Variants in ANGPTL7 observed in about 807,000 individuals in gnomAD.
The protein encoded by ANGPTL7 is angiopoietin like 7, also known as angiopoietin-related protein 7.
A neutral mutation model predicts 38.8 loss-of-function variants in ANGPTL7; 37 were observed. The ratio of observed to expected loss-of-function variants is 0.95; its 90% CI spans 0.73 to 1.25. The LOEUF is 1.25. Among genes scored for constraint, ANGPTL7 ranks in the 50% most tolerant of loss-of-function variants. ANGPTL7 has a pLI of 0.00. For missense variants in ANGPTL7, 427 were observed against 438.6 expected (o/e 0.97, Z 0.24); for synonymous variants, 166 against 163.2 (o/e 1.02, Z -0.13).
chr1:11,189,715 TG>T lies in ANGPTL7; in HGVS notation c.137del (p.Cys46LeufsTer4). The T allele has an allele frequency of 6.2e-7, 1 of 1,614,084 alleles. No individual in the cohort carries two copies. Among genetic ancestry groups the T allele is most frequent in the African/African-American group, 1.3e-5 (1 of 75,006 alleles). ...AQPQLKAANC[C>X]EEVKELKAQV... Reference sequence around the variant, plus strand: ...GCCACAGCTCAAAGCGGCCAACTGCTGTGAGGAGGTGAAGGAGCTCAAGGCC... The same window carrying T: ...GCCACAGCTCAAAGCGGCCAACTGCTTGAGGAGGTGAAGGAGCTCAAGGCC... On this transcript the variant is annotated frameshift_variant, in exon 1 of 5. Transcript: ENST00000376819. LOFTEE classifies it high-confidence loss of function.
In ANGPTL7 at chr1:11,192,345, A is replaced by C. The variant is rs140445130; in HGVS notation, c.452A>C (p.Asp151Ala). The stretch of plus-strand genomic sequence containing the variant: ...GGAGTGTATAAGCTTCCTCCTGATG[A>C]CTTCCTGGGCAGCCCTGAACTGGAG... ...ISGVYKLPPD[D>A]FLGSPELEVF... The change falls in exon 2 of 5, where the codon GAC (aspartate) becomes GCC (alanine). Residue 151 changes from aspartate (D) to alanine (A), a missense_variant. Asp to Ala is a moderately radical substitution (Grantham distance 126). Coordinates refer to ENST00000376819, the MANE Select transcript of ANGPTL7 (RefSeq NM_021146.4). 3.7e-6 allele frequency: 6 copies of C among 1,613,824 alleles called. No homozygotes were observed. In the African/African-American group the frequency reaches 8.0e-5, roughly 22 times the overall value.
chr1:11,192,477 T>C, intron 2 of ANGPTL7, 107 bp downstream of exon 2: 1 of 927,278 alleles, frequency 1.1e-6, no homozygotes, highest in Non-Finnish European at 1.7e-6. Context: ...AAAATTCGGC[T>C]GGGCGCAGTG....
Position 11,195,153 on chromosome 1 carries a change from A to G in ANGPTL7, c.*130A>G, listed in dbSNP as rs1417978971. On this transcript the variant is annotated 3_prime_UTR_variant, in exon 5 of 5. Transcript: ENST00000376819. The stretch of plus-strand genomic sequence containing the variant: ...ACAGCCTATAATCTCCAAAGAAAGA[A>G]TAAGTCTCCAAGGAGCACAAAAAAA... The G allele has an allele frequency of 3.8e-6, 4 of 1,043,416 alleles. No individual in the cohort carries two copies. In the East Asian group the frequency reaches 7.8e-5, roughly 20 times the overall value. The allele number at this position is 1,043,416 out of a possible 1,614,324, so 64.6% of individuals were successfully genotyped here.
intron 3 of ANGPTL7, 50 bp downstream of exon 3, chr1:11,193,824 G>A (rs1182050093): frequency 1.9e-6 from 3 of 1,579,980 alleles, no homozygotes; most frequent in African/African-American, 2.7e-5. Context: ...CACCACACAT[G>A]ACCGCGTACA....
In ANGPTL7 at chr1:11,193,571, C is replaced by G; in HGVS notation, c.478-9C>G. 5 of 1,571,992 alleles carry G rather than the reference C, an allele frequency of 3.2e-6. No homozygotes were observed. The highest frequency in any genetic ancestry group is 1.3e-5 in the African/African-American group (1 of 74,150). On this transcript the variant is annotated splice_polypyrimidine_tract_variant and intron_variant, in intron 2 of 4. Transcript: ENST00000376819. ...CAAGTCCCTCACCAGAGTATCCCCT[C>G]TGCTTCAGGTGTTCTGTGACATGGA...
Position 11,194,875 on chromosome 1 carries a change from G to A in ANGPTL7, c.893G>A (p.Cys298Tyr). 1 of 1,614,150 alleles carries A rather than the reference G, an allele frequency of 6.2e-7. No individual in the cohort carries two copies. The highest frequency in any genetic ancestry group is 1.3e-5 in the African/African-American group (1 of 75,046). ...LRKGGYWYNC[C>Y]TDSNLNGVYY... is the part of the protein sequence containing the mutation. ...CCAGGTGGCTACTGGTACAACTGCTGCACAGACTCCAACCTCAATGGAGTG... is the reference window on the plus strand; with the variant it reads ...CCAGGTGGCTACTGGTACAACTGCTACACAGACTCCAACCTCAATGGAGTG... Residue 298 changes from cysteine (C) to tyrosine (Y), a missense_variant, in exon 5 of 5, where the codon TGC (cysteine) becomes TAC (tyrosine). Cys to Tyr is a radical substitution (Grantham distance 194). Transcript: ENST00000376819.
rs777639706 is a variant in ANGPTL7, at chr1:11,192,305, A to T, written c.412A>T (p.Asn138Tyr). ...CGACTGCTCTTCCCTCTACCAGAAG[A>T]ACTACCGCATCTCTGGAGTGTATAA... ...IYDCSSLYQK[N>Y]YRISGVYKLP... Residue 138 changes from asparagine to tyrosine, a missense_variant, in exon 2 of 5, where the codon AAC becomes TAC. By Grantham distance (143) the Asn-to-Tyr change is moderately radical (BLOSUM62 -2). Coordinates refer to ENST00000376819, the MANE Select transcript of ANGPTL7 (RefSeq NM_021146.4). The T allele has an allele frequency of 1.9e-6, 3 of 1,613,928 alleles. No individual in the cohort carries two copies. Among genetic ancestry groups the T allele is most frequent in the Admixed American group, 1.7e-5 (1 of 59,994 alleles).
chr1:11,194,473 A>G lies in ANGPTL7; in HGVS notation c.685A>G (p.Asn229Asp). ...LRVEMEDWEG[N>D]LRYAEYSHFV... ...CTCCTCCTGACAGGACTGGGAGGGC[A>G]ACCTGCGCTACGCTGAGTATAGCCA... Residue 229 changes from asparagine to aspartate, a missense_variant, in exon 4 of 5, where the codon AAC becomes GAC. Transcript: ENST00000376819. 1 of 1,614,040 alleles carries G rather than the reference A, an allele frequency of 6.2e-7. No homozygotes were observed. Among genetic ancestry groups the G allele is most frequent in the Non-Finnish European group, 8.5e-7 (1 of 1,180,026 alleles).
Position 11,189,537 on chromosome 1 carries a change from A to T in ANGPTL7, c.-43A>T, listed in dbSNP as rs1474939108. On this transcript the variant is annotated 5_prime_UTR_variant, in exon 1 of 5. Transcript: ENST00000376819. ...GCAGACCTCAGCTGGGCATCTCCAGACTCCCCTGAAGGAAGAGCCTTCCTC... is the reference window on the plus strand; with the variant it reads ...GCAGACCTCAGCTGGGCATCTCCAGTCTCCCCTGAAGGAAGAGCCTTCCTC... The T allele has an allele frequency of 5.2e-6, 8 of 1,541,272 alleles. No homozygotes were observed. Among genetic ancestry groups the T allele is most frequent in the Non-Finnish European group, 6.1e-6 (7 of 1,147,920 alleles).
chr1:11,194,465 G>T lies in ANGPTL7; in HGVS notation c.677G>T (p.Trp226Leu). The part of the protein sequence containing the change: ...PTRLRVEMED[W>L]EGNLRYAEYS... ...AGGCTCTGCTCCTCCTGACAGGACT[G>T]GGAGGGCAACCTGCGCTACGCTGAG... Residue 226 changes from tryptophan (W) to leucine (L), a missense_variant, in exon 4 of 5, where the codon TGG becomes TTG. Physicochemically the swap from Trp to Leu is moderately conservative, Grantham distance 61. Coordinates refer to ENST00000376819, the MANE Select transcript of ANGPTL7 (RefSeq NM_021146.4). The T allele has an allele frequency of 1.2e-6, 2 of 1,613,882 alleles. No individual in the cohort carries two copies. Among genetic ancestry groups the T allele is most frequent in the Non-Finnish European group, 1.7e-6 (2 of 1,179,984 alleles).
chr1:11,194,830 C>CA (rs774148559), intron 4 of ANGPTL7, 24 bp from the exon 5 acceptor site: 6 of 1,612,776 alleles, frequency 3.7e-6, no homozygotes, highest in East Asian at 2.2e-5. Context: ...AACTTACTAG[C>CA]ACTGGGTCTG....
chr1:11,195,327 G>T lies in ANGPTL7; in HGVS notation c.*304G>T. ...GTAGCTTGTCTTTTCCACATGATTT[G>T]TCTGTGAAAGAAAATAATTTTGAGA... On this transcript the variant is annotated 3_prime_UTR_variant, in exon 5 of 5. Coordinates refer to ENST00000376819, the MANE Select transcript of ANGPTL7 (RefSeq NM_021146.4). The T allele has an allele frequency of 3.6e-6, 1 of 277,990 alleles. No homozygotes were observed. The highest frequency in any genetic ancestry group is 6.7e-6 in the Non-Finnish European group (1 of 148,234). 17.2% of individuals were successfully genotyped at this position (277,990 alleles called of 1,614,324 possible).
rs748545086 is a variant in ANGPTL7 at position 11,194,490 on chromosome 1, G to A, written c.702G>A (p.Glu234=). 2.7e-5 allele frequency: 43 copies of A among 1,614,056 alleles called. No individual in the cohort carries two copies. Among genetic ancestry groups the A allele is most frequent in the Non-Finnish European group, 2.7e-5 (32 of 1,180,040 alleles). ...EDWEGNLRYA[E]YSHFVLGNEL... ...GGGAGGGCAACCTGCGCTACGCTGA[G>A]TATAGCCACTTTGTTTTGGGCAATG... is the stretch of plus-strand genomic sequence containing the variant. The change falls in exon 4 of 5, where the codon GAG becomes GAA. Residue 234 remains glutamate (E), a synonymous_variant. Transcript: ENST00000376819.
intron 1 of ANGPTL7, among the ~76,000 whole-genome samples, chr1:11,191,197 C>A (rs1322692051): frequency 6.6e-6 from 1 of 152,182 alleles, no homozygotes; most frequent in African/African-American, 2.4e-5. Flanking sequence ...CCCACCAGGT[C>A]TCTTGCTCTT....
chr1:11,193,172 C>T (rs1381986134), intron 2 of ANGPTL7, among the ~76,000 whole-genome samples: 1 of 151,802 alleles, frequency 6.6e-6, no homozygotes. Context: ...CAAAAATTAG[C>T]CCAGTGTGGT....
chr1:11,190,290 C>T (rs1005358396), intron 1 of ANGPTL7, among the ~76,000 whole-genome samples: 1 of 152,176 alleles, frequency 6.6e-6, no homozygotes, highest in Non-Finnish European at 1.5e-5. Flanking sequence ...CAAGAGCTGA[C>T]AGGCTATATC....
intron 1 of ANGPTL7, among the ~76,000 whole-genome samples, chr1:11,190,339 T>C (rs1044655062): frequency 1.3e-5 from 2 of 152,180 alleles, no homozygotes; most frequent in African/African-American, 2.4e-5. Context: ...GTAACAGCTG[T>C]TCCTCTGGAA....
Position 11,195,920 on chromosome 1 carries a change from T to C in ANGPTL7, c.*897T>C, listed in dbSNP as rs1183372862. The C allele has an allele frequency of 6.6e-6, 1 of 152,230 alleles. No individual in the cohort carries two copies. Among genetic ancestry groups the C allele is most frequent in the East Asian group, 1.9e-4 (1 of 5,200 alleles). 9.4% of individuals were successfully genotyped at this position (152,230 alleles called of 1,614,324 possible). A position where few individuals can be genotyped will look rare whatever the true frequency, so the allele number is the denominator to read the frequency against. On this transcript the variant is annotated 3_prime_UTR_variant, in exon 5 of 5. Coordinates refer to ENST00000376819, the MANE Select transcript of ANGPTL7 (RefSeq NM_021146.4). ...CTCACTTTGTAAAAATAAAATATTGTGGTTTTGTTTTAAACATTCAACGTT... is the reference window on the plus strand; with the variant it reads ...CTCACTTTGTAAAAATAAAATATTGCGGTTTTGTTTTAAACATTCAACGTT...
rs891613444 is a variant in ANGPTL7, at chr1:11,195,115, G to A, written c.*92G>A. On this transcript the variant is annotated 3_prime_UTR_variant, in exon 5 of 5. Transcript: ENST00000376819. ...GGACAGGAAGAGAGTGTTAGAAAGG[G>A]TAGGACTGAGAAACAGCCTATAATC... is the stretch of plus-strand genomic sequence containing the variant. The A allele has an allele frequency of 3.0e-6, 4 of 1,344,770 alleles. No individual in the cohort carries two copies. The highest frequency in any genetic ancestry group is 2.8e-5 in the South Asian group (2 of 70,870). 83.3% of individuals were successfully genotyped at this position (1,344,770 alleles called of 1,614,324 possible).
Sources: allele counts gnomAD v4.1 joint callset (sites outside exome capture counted in the v4.1 genomes callset), GRCh38; gene constraint gnomAD v4.1.1; transcripts MANE v1.5; gene names NCBI Gene and HGNC (gene_info 2026-07-23, HGNC 2026-07-21).